TRIM69: variants seen among roughly 807,000 people sequenced by gnomAD.
The protein encoded by TRIM69 is E3 ubiquitin-protein ligase TRIM69.
A neutral mutation model predicts 37.7 loss-of-function variants in TRIM69; 29 were observed. The ratio of observed to expected loss-of-function variants is 0.77; its 90% CI spans 0.57 to 1.05. TRIM69 has a LOEUF of 1.05. Ranked by LOEUF, TRIM69 falls within the 50% of genes least tolerant of loss-of-function variation. The pLI is 0.00. For synonymous variants in TRIM69, 209 were observed against 212.4 expected, an observed-to-expected ratio of 0.98 and a Z score of 0.14; for missense variants, 596 against 579.9, an observed-to-expected ratio of 1.03 and a Z score of -0.28.
At chr15:44,749,256 T>C (rs2087471579) in intron 1 of TRIM69, among the ~76,000 whole-genome samples, 1 of 136,110 alleles carries the variant, frequency 7.3e-6, no homozygotes, top group Non-Finnish European at 1.7e-5. Context: ...TCTTTTAAGA[T>C]GTACAATTCA....
intron 1 of TRIM69, among the ~76,000 whole-genome samples, chr15:44,750,723 T>C (rs1284352449): frequency 0.055 from 6,202 of 113,058 alleles, 395 homozygotes; most frequent in South Asian, 0.11. Flanking sequence ...TTCTTTTTTT[T>C]TTTTTTTTTT....
At chr15:44,762,120 C>T (rs1450485813) in intron 6 of TRIM69, among the ~76,000 whole-genome samples, 1 of 152,096 alleles carries the variant, frequency 6.6e-6, no homozygotes, top group East Asian at 1.9e-4. Context: ...TGCCCGCCAC[C>T]ACGCCCGGCT....
At chr15:44,758,926 G>A (rs369220489) in intron 4 of TRIM69, 72 bp downstream of exon 4, 17 of 1,515,566 alleles carry the variant, frequency 1.1e-5, no homozygotes, top group Admixed American at 8.6e-5. Context: ...GAAAGAATGC[G>A]GAAGTGGCTT....
In TRIM69 at chr15:44,754,992, A is replaced by G; in HGVS notation, c.99A>G (p.Gln33=). The G allele has an allele frequency of 6.2e-7, 1 of 1,614,186 alleles. No individual in the cohort carries two copies. The highest frequency in any genetic ancestry group is 8.5e-7 in the Non-Finnish European group (1 of 1,180,018). Residue 33 remains glutamine (Q), a synonymous_variant, in exon 2 of 7, where the codon CAA becomes CAG. Transcript: ENST00000329464. ...ACCTACCCTCTAAAGTGGTGATACA[A>G]GATATTACTATGGAGCTACACTGCC... The part of the protein sequence containing the change: ...ITHLPSKVVI[Q]DITMELHCPL...
rs2087438654 is a variant in TRIM69, at chr15:44,747,716, CTA to C, written c.7-7182_7-7181del. On this transcript the variant is annotated intron_variant, in intron 1 of 6. Transcript: ENST00000329464. ...AGGCATCAGCAATAGGGAACACAGG[CTA>C]TGTGAGAAACTATGGAGCAAAGGGC... Among the ~76,000 whole-genome samples, 2 of 152,142 alleles carry C rather than the reference CTA, an allele frequency of 1.3e-5. 1 individual carries two copies. Among genetic ancestry groups the C allele is most frequent in the South Asian group, 4.2e-4 (2 of 4,816 alleles).
chr15:44,749,632 A>G (rs1422517312), intron 1 of TRIM69, among the ~76,000 whole-genome samples: 1 of 152,138 alleles, frequency 6.6e-6, no homozygotes, highest in Non-Finnish European at 1.5e-5. Context: ...TCATTAGTTA[A>G]TGTGCATTTG....
At chr15:44,737,606 A>G (rs1003621049) in intron 1 of TRIM69, among the ~76,000 whole-genome samples, 18 of 152,230 alleles carry the variant, frequency 1.2e-4, no homozygotes, top group African/African-American at 4.3e-4. Context: ...AGTGAATTAA[A>G]TGGCTTAAAA....
chr15:44,736,732 T>A, intron 1 of TRIM69, 22 bp downstream of exon 1: 1 of 1,609,812 alleles, frequency 6.2e-7, no homozygotes, highest in South Asian at 1.1e-5. Context: ...TTTTTTTTTT[T>A]AACTTAGCAG....
chr15:44,754,496 C>T, intron 1 of TRIM69: 1 of 164,890 alleles, frequency 6.1e-6, no homozygotes, highest in Non-Finnish European at 1.3e-5. Flanking sequence ...GACGATATCA[C>T]ACTACTGACT....
intron 2 of TRIM69, among the ~76,000 whole-genome samples, 179 bp downstream of exon 2, chr15:44,755,555 A>G (rs2087629172): frequency 6.6e-6 from 1 of 152,230 alleles, no homozygotes; most frequent in Non-Finnish European, 1.5e-5. Flanking sequence ...CTTATAGGAA[A>G]GGAACAGTGG....
intron 1 of TRIM69, chr15:44,753,324 A>G (rs1393406578): frequency 6.6e-6 from 1 of 152,180 alleles, no homozygotes; most frequent in Non-Finnish European, 1.5e-5. Context: ...AAGTAGAAAC[A>G]GGGTCTTGCC....
At chr15:44,738,839 A>G (rs2087218131) in intron 1 of TRIM69, among the ~76,000 whole-genome samples, 1 of 152,186 alleles carries the variant, frequency 6.6e-6, no homozygotes, top group Non-Finnish European at 1.5e-5. Flanking sequence ...TAAATGAAAT[A>G]ATGTATGTAA....
intron 1 of TRIM69, among the ~76,000 whole-genome samples, chr15:44,741,459 C>G (rs2087283704): frequency 1.3e-5 from 2 of 152,148 alleles, no homozygotes; most frequent in Non-Finnish European, 2.9e-5. Context: ...CAAGAAATAA[C>G]TAAAATCAGA....
intron 1 of TRIM69, among the ~76,000 whole-genome samples, chr15:44,748,354 T>A (rs2087450319): frequency 3.9e-5 from 6 of 152,168 alleles, no homozygotes; most frequent in Admixed American, 3.9e-4. Context: ...ACCCAGGAAG[T>A]ATGGGCATAG....
At position 44,767,190 on chromosome 15, in the gene TRIM69, C is replaced by T. The variant is rs191869525; in HGVS notation, c.962-41C>T. 40 of 1,545,374 alleles carry T rather than the reference C, an allele frequency of 2.6e-5. No individual in the cohort carries two copies. In the African/African-American group the frequency reaches 4.8e-4, roughly 19 times the overall value. On this transcript the variant is annotated intron_variant, in intron 6 of 6. Transcript: ENST00000329464. ...TTACTGTGGGAATTTGTGTTTACCC[C>T]CCTTTCTCCCATGCTCTGCTTTCTT... is the stretch of plus-strand genomic sequence containing the variant.
intron 1 of TRIM69, among the ~76,000 whole-genome samples, chr15:44,751,270 C>A (rs993532726): frequency 5.3e-5 from 8 of 152,008 alleles, no homozygotes; most frequent in Non-Finnish European, 1.2e-4. Context: ...TGCTCGCTAC[C>A]ACGCCCAGCT....
intron 1 of TRIM69, among the ~76,000 whole-genome samples, chr15:44,740,279 GA>G (rs1386093686): frequency 6.6e-6 from 1 of 152,156 alleles, no homozygotes; most frequent in Non-Finnish European, 1.5e-5. Context: ...CAAAGATGGG[GA>G]AAAAACAGAG....
intron 3 of TRIM69, chr15:44,757,669 C>G (rs185513614): frequency 6.6e-6 from 1 of 152,190 alleles, no homozygotes; most frequent in African/African-American, 2.4e-5. Flanking sequence ...ATCTTCCCAC[C>G]TCAGCCTCCT....
intron 1 of TRIM69, among the ~76,000 whole-genome samples, chr15:44,750,418 CTT>C (rs981303703): frequency 1.3e-5 from 2 of 152,218 alleles, no homozygotes; most frequent in African/African-American, 4.8e-5. Context: ...GATCTACTCT[CTT>C]TACTTTTGTA....
Sources: allele counts gnomAD v4.1 joint callset (sites outside exome capture counted in the v4.1 genomes callset), GRCh38; gene constraint gnomAD v4.1.1; transcripts MANE v1.5; gene names NCBI Gene and HGNC (gene_info 2026-07-23, HGNC 2026-07-21).